Variants in SLIT2 observed in about 807,000 individuals in gnomAD.
SLIT2 encodes the protein slit homolog 2 protein.
In SLIT2, 41 loss-of-function variants were observed where a neutral mutation model predicts 185.7. The observed-to-expected ratio is 0.22, with a 90% confidence interval of 0.17 to 0.29. SLIT2 has a LOEUF of 0.29. Ranked by LOEUF, SLIT2 falls within the 10% of genes least tolerant of loss-of-function variation. The pLI, the probability that SLIT2 is intolerant of heterozygous loss-of-function variation, is 1.00. For synonymous variants in SLIT2, 693 were observed against 680.2 expected, an observed-to-expected ratio of 1.02 and a Z score of -0.29; for missense variants, 1,571 against 1,909.0, an observed-to-expected ratio of 0.82 and a Z score of 3.30.
chr4:20,448,967 T>C (rs1032642259), intron 4 of SLIT2, among the ~76,000 whole-genome samples: 4 of 152,184 alleles, frequency 2.6e-5, no homozygotes, highest in African/African-American at 9.7e-5. Context: ...TTACTTCTAC[T>C]TCAAGAGTGA....
intron 9 of SLIT2, among the ~76,000 whole-genome samples, chr4:20,493,375 C>G (rs1230364079): frequency 6.6e-6 from 1 of 152,136 alleles, no homozygotes; most frequent in Non-Finnish European, 1.5e-5. Flanking sequence ...CATAAGGGAA[C>G]TATATAGTCA....
chr4:20,319,654 C>A (rs1209594629), intron 4 of SLIT2, among the ~76,000 whole-genome samples: 1 of 152,016 alleles, frequency 6.6e-6, no homozygotes, highest in African/African-American at 2.4e-5. Context: ...GAGTACATTG[C>A]ACCTAATAGG....
intron 30 of SLIT2, among the ~76,000 whole-genome samples, chr4:20,595,405 AG>A (rs1345634821): frequency 6.6e-6 from 1 of 152,004 alleles, no homozygotes; most frequent in African/African-American, 2.4e-5. Flanking sequence ...AGGAAGAGGG[AG>A]GAGAGTGGGT....
intron 4 of SLIT2, among the ~76,000 whole-genome samples, chr4:20,460,025 G>A (rs374694458): frequency 5.3e-5 from 8 of 151,744 alleles, no homozygotes; most frequent in Non-Finnish European, 8.8e-5. Flanking sequence ...CACCATGACC[G>A]GCTAATTTTT....
chr4:20,342,009 G>A (rs1177257169), intron 4 of SLIT2, among the ~76,000 whole-genome samples: 2 of 152,168 alleles, frequency 1.3e-5, no homozygotes, highest in Non-Finnish European at 2.9e-5. Context: ...TATTAATAAT[G>A]ATATTAGGGT....
Position 20,528,565 on chromosome 4 carries a change from A to G in SLIT2, c.1463-384A>G, listed in dbSNP as rs1219092663. Among the ~76,000 whole-genome samples, 1 of 152,162 alleles carries G rather than the reference A, an allele frequency of 6.6e-6. No individual in the cohort carries two copies. The highest frequency in any genetic ancestry group is 2.4e-5 in the African/African-American group (1 of 41,426). ...TTTGCCTTGAAAGCCCTAATTTACA[A>G]TGAGATATAGGATCATGTTTATTAC... On this transcript the variant is annotated intron_variant, in intron 15 of 36. Coordinates refer to ENST00000504154, the MANE Select transcript of SLIT2 (RefSeq NM_004787.4). This position sits in a 1 kb window ranked among gnomAD's most constrained non-coding sequence, Gnocchi z 4.2.
intron 34 of SLIT2, chr4:20,616,108 G>A (rs1729626240): frequency 6.6e-6 from 1 of 152,188 alleles, no homozygotes; most frequent in Non-Finnish European, 1.5e-5. Context: ...TTTTATTTCT[G>A]ATTTCTTGGA....
intron 4 of SLIT2, among the ~76,000 whole-genome samples, chr4:20,318,236 A>G (rs756688137): frequency 2.6e-5 from 4 of 152,184 alleles, no homozygotes; most frequent in Non-Finnish European, 4.4e-5. Flanking sequence ...TTTTTAAACA[A>G]TCATCGGCCT....
At chr4:20,397,351 T>C (rs1725978414) in intron 4 of SLIT2, among the ~76,000 whole-genome samples, 1 of 151,822 alleles carries the variant, frequency 6.6e-6, no homozygotes, top group Admixed American at 6.6e-5. Context: ...GTTCTAATGC[T>C]AATTAAATAG....
rs10032311 is a variant in SLIT2 at position 20,460,388 on chromosome 4, C to G, written c.396-7364C>G. 6.3e-3 allele frequency among the ~76,000 whole-genome samples: 965 copies of G among 152,116 alleles called. 19 individuals are homozygous for G. Among genetic ancestry groups the G allele is most frequent in the African/African-American group, 0.022 (915 of 41,518 alleles). On this transcript the variant is annotated intron_variant, in intron 4 of 36. Coordinates refer to ENST00000504154, the MANE Select transcript of SLIT2 (RefSeq NM_004787.4). ...AACATAAATTTGTAGATATTCATTG[C>G]AAACATGATGTTTTGAAGTATATAT...
intron 4 of SLIT2, among the ~76,000 whole-genome samples, chr4:20,283,106 C>A (rs78886662): frequency 0.011 from 1,410 of 133,422 alleles, 21 homozygotes; most frequent in African/African-American, 0.038. Context: ...GCCTGTGTGC[C>A]TGTGTGCGCG....
At chr4:20,539,767 T>A (rs1010346498) in intron 19 of SLIT2, among the ~76,000 whole-genome samples, 183 bp downstream of exon 19, 29 of 152,182 alleles carry the variant, frequency 1.9e-4, no homozygotes, top group African/African-American at 6.3e-4. Context: ...CTATCTTAGA[T>A]TAAATTTTAA....
At chr4:20,343,845 TTA>T (rs959927682) in intron 4 of SLIT2, among the ~76,000 whole-genome samples, 3 of 150,766 alleles carry the variant, frequency 2.0e-5, no homozygotes, top group Non-Finnish European at 4.4e-5. Flanking sequence ...CAGTAATCTA[TTA>T]TTATTATTAG....
intron 34 of SLIT2, chr4:20,615,480 C>G (rs1475044038): frequency 6.6e-6 from 1 of 152,202 alleles, no homozygotes; most frequent in Admixed American, 6.5e-5. Flanking sequence ...GTAAAGCTGC[C>G]TTTGAGCATG....
At chr4:20,286,375 G>A (rs1041757445) in intron 4 of SLIT2, among the ~76,000 whole-genome samples, 20 of 152,040 alleles carry the variant, frequency 1.3e-4, no homozygotes, top group African/African-American at 4.8e-4. Context: ...ACTTCTGTCA[G>A]TTCTACCTCC....
At chr4:20,495,894 G>T (rs1311956315) in intron 9 of SLIT2, among the ~76,000 whole-genome samples, 1 of 151,970 alleles carries the variant, frequency 6.6e-6, no homozygotes, top group Admixed American at 6.6e-5. Context: ...TAAGAACAAA[G>T]AACATCACTA....
intron 4 of SLIT2, among the ~76,000 whole-genome samples, chr4:20,463,452 T>TATAG (rs1713952712): frequency 5.0e-5 from 1 of 19,820 alleles, no homozygotes; most frequent in Non-Finnish European, 1.0e-4. Context: ...AACTGTGATA[T>TATAG]ATATATATAT....
chr4:20,479,554 G>A (rs1196354657), intron 5 of SLIT2, among the ~76,000 whole-genome samples: 3 of 151,804 alleles, frequency 2.0e-5, no homozygotes, highest in East Asian at 1.9e-4. Context: ...CAAGTGAAAC[G>A]TCAAAATACT....
chr4:20,344,477 C>T (rs769363276), intron 4 of SLIT2, among the ~76,000 whole-genome samples: 2 of 152,160 alleles, frequency 1.3e-5, no homozygotes, highest in Non-Finnish European at 2.9e-5. Flanking sequence ...CATTGAAACA[C>T]TGCTAGCAAA....
Sources: allele counts gnomAD v4.1 joint callset (sites outside exome capture counted in the v4.1 genomes callset), GRCh38; gene constraint gnomAD v4.1.1; non-coding constraint Gnocchi (gnomAD v3.1); transcripts MANE v1.5; gene names NCBI Gene and HGNC (gene_info 2026-07-23, HGNC 2026-07-21).